The following BCKDHB variants were observed in gnomAD, a reference collection of about 807,000 sequenced individuals.
The protein encoded by BCKDHB is 2-oxoisovalerate dehydrogenase subunit beta, mitochondrial.
BCKDHB carries 41 observed loss-of-function variants against 48.5 expected under a neutral mutation model. The ratio of observed to expected loss-of-function variants is 0.85; its 90% confidence interval spans 0.66 to 1.10. The LOEUF is 1.10. BCKDHB is among the 50% of genes least tolerant of loss of function. BCKDHB has a pLI of 0.00. For synonymous variants in BCKDHB, 201 were observed against 174.8 expected, an observed-to-expected ratio of 1.15 and a Z score of -1.18; for missense variants, 496 against 494.2, an observed-to-expected ratio of 1.00 and a Z score of -0.03.
chr6:80,416,257 T>C, the BCKDHB span, among the ~76,000 whole-genome samples: 1 of 151,538 alleles, frequency 6.6e-6, no homozygotes, highest in African/African-American at 2.4e-5. Context: ...TTTTTTTTTT[T>C]TTCTTTGTAT....
chr6:80,255,952 T>C (rs547954211), intron 8 of BCKDHB, among the ~76,000 whole-genome samples: 46 of 152,298 alleles, frequency 3.0e-4, no homozygotes, highest in African/African-American at 1.1e-3. Flanking sequence ...GGCCTGACTG[T>C]ACCATTAGCG....
At chr6:80,305,909 T>C (rs1767849440) in intron 9 of BCKDHB, among the ~76,000 whole-genome samples, 1 of 152,204 alleles carries the variant, frequency 6.6e-6, no homozygotes, top group Admixed American at 6.5e-5. Flanking sequence ...ACTTTGACAG[T>C]GATTCAGCAG....
chr6:80,411,140 T>C, the BCKDHB span, among the ~76,000 whole-genome samples: 3 of 152,218 alleles, frequency 2.0e-5, no homozygotes, highest in Non-Finnish European at 2.9e-5. Flanking sequence ...TGTGTGGATG[T>C]CCCTTTTGTT....
intron 8 of BCKDHB, among the ~76,000 whole-genome samples, chr6:80,216,427 C>T (rs1198501637): frequency 1.3e-5 from 2 of 152,184 alleles, no homozygotes; most frequent in South Asian, 4.1e-4. Flanking sequence ...GTAAATCACA[C>T]TACCATATTT....
At chr6:80,255,023 T>C (rs1310681422) in intron 8 of BCKDHB, among the ~76,000 whole-genome samples, 3 of 152,226 alleles carry the variant, frequency 2.0e-5, no homozygotes, top group Admixed American at 2.0e-4. Flanking sequence ...GAACAATGCT[T>C]TCTTTGGGTG....
intron 1 of BCKDHB, among the ~76,000 whole-genome samples, chr6:80,121,917 C>G (rs1324709383): frequency 1.3e-5 from 2 of 152,296 alleles, no homozygotes; most frequent in South Asian, 2.1e-4. Flanking sequence ...AGAGGGCATC[C>G]TTGTCTCGTG....
At chr6:80,390,692 T>C in the BCKDHB span, among the ~76,000 whole-genome samples, 2 of 152,172 alleles carry the variant, frequency 1.3e-5, no homozygotes, top group Admixed American at 6.5e-5. Context: ...CTTACTATTG[T>C]CTTTCTTTAT....
At chr6:80,335,007 T>C (rs1462705218) in intron 9 of BCKDHB, among the ~76,000 whole-genome samples, 1 of 151,858 alleles carries the variant, frequency 6.6e-6, no homozygotes, top group Non-Finnish European at 1.5e-5. Flanking sequence ...TTCTGGTAGT[T>C]TCGTTTTGTA....
intron 9 of BCKDHB, among the ~76,000 whole-genome samples, chr6:80,289,711 TCC>T (rs1766811605): frequency 1.3e-5 from 2 of 152,116 alleles, no homozygotes; most frequent in South Asian, 4.1e-4. Context: ...GTTACAGAAC[TCC>T]GTGTCTCCCC....
At chr6:80,243,190 C>T (rs1776462050) in intron 8 of BCKDHB, among the ~76,000 whole-genome samples, 1 of 152,092 alleles carries the variant, frequency 6.6e-6, no homozygotes, top group South Asian at 2.1e-4. Context: ...ACTAGAAGTA[C>T]AGGGATATCA....
intron 8 of BCKDHB, among the ~76,000 whole-genome samples, chr6:80,204,378 T>C (rs919181251): frequency 6.6e-6 from 1 of 152,146 alleles, no homozygotes; most frequent in African/African-American, 2.4e-5. Flanking sequence ...TTAAGAGCAA[T>C]ATTTCAGATT....
At chr6:80,258,399 C>T (rs1777148619) in intron 8 of BCKDHB, among the ~76,000 whole-genome samples, 1 of 152,106 alleles carries the variant, frequency 6.6e-6, no homozygotes, top group Admixed American at 6.5e-5. Flanking sequence ...TTAGAAGGTA[C>T]CAGAGGAAAT....
Position 80,221,325 on chromosome 6 carries a change from TTTG to T in BCKDHB, c.951+18119_951+18121del, listed in dbSNP as rs563525152. 3.9e-3 allele frequency among the ~76,000 whole-genome samples: 599 copies of T among 152,270 alleles called. 2 individuals are homozygous for T. The highest frequency in any genetic ancestry group is 6.7e-3 in the Non-Finnish European group (453 of 68,018). On this transcript the variant is annotated intron_variant, in intron 8 of 9. Transcript: ENST00000320393. ...CTAATAATCACTACCCCTTCCCGACTTTGTTGTTTTTGCTGTTACAGGTTTTTC... is the reference window on the plus strand; with the variant it reads ...CTAATAATCACTACCCCTTCCCGACTTTGTTTTTGCTGTTACAGGTTTTTC...
At chr6:80,225,883 G>A (rs1271829603) in intron 8 of BCKDHB, among the ~76,000 whole-genome samples, 1 of 152,100 alleles carries the variant, frequency 6.6e-6, no homozygotes, top group South Asian at 2.1e-4. Flanking sequence ...ATTGTTATTA[G>A]CATTGTTTTG....
chr6:80,313,026 T>C (rs1768246112), intron 9 of BCKDHB, among the ~76,000 whole-genome samples: 1 of 152,176 alleles, frequency 6.6e-6, no homozygotes, highest in South Asian at 2.1e-4. Context: ...TTTGTAGCAC[T>C]GGTAGAAATC....
chr6:80,286,942 G>A lies in BCKDHB; in HGVS notation c.1038+13721G>A, dbSNP rs139837035. On this transcript the variant is annotated intron_variant, in intron 9 of 9. Transcript: ENST00000320393. ...CAGTCTTTGGTCATCTGTCTATCAA[G>A]TAGAGCTGGCATCTATATTACAATA... Among the ~76,000 whole-genome samples, 7 of 152,204 alleles carry A rather than the reference G, an allele frequency of 4.6e-5. No homozygotes were observed. In the East Asian group the frequency reaches 1.4e-3, roughly 29 times the overall value.
chr6:80,160,545 T>C (rs1173744330), intron 3 of BCKDHB, among the ~76,000 whole-genome samples: 1 of 152,226 alleles, frequency 6.6e-6, no homozygotes, highest in Non-Finnish European at 1.5e-5. Flanking sequence ...TAGGGTTCAC[T>C]GGTGGACTCA....
chr6:80,410,981 T>C, the BCKDHB span, among the ~76,000 whole-genome samples: 1 of 152,228 alleles, frequency 6.6e-6, no homozygotes, highest in African/African-American at 2.4e-5. Context: ...CCAGTTTTGT[T>C]CCATTGCTGG....
chr6:80,299,843 AAAT>A (rs1318221639), intron 9 of BCKDHB, among the ~76,000 whole-genome samples: 1 of 152,222 alleles, frequency 6.6e-6, no homozygotes, highest in African/African-American at 2.4e-5. Context: ...GAAAAGGTTA[AAAT>A]AATACATACC....
Sources: gnomAD v4.1 joint callset for allele counts (sites outside exome capture counted in the v4.1 genomes callset) on GRCh38, gnomAD v4.1.1 for gene constraint, MANE v1.5 for transcripts, NCBI Gene and HGNC (gene_info 2026-07-23, HGNC 2026-07-21) for gene names.